The following VGLL3 variants were observed in gnomAD, a reference collection of about 807,000 sequenced individuals.
The protein encoded by VGLL3 is vestigial like family member 3, also known as transcription cofactor vestigial-like protein 3.
In VGLL3, 18 loss-of-function variants were observed where a neutral mutation model predicts 29.2. The observed-to-expected ratio is 0.62, with a 90% CI of 0.43 to 0.91. The LOEUF is 0.91. VGLL3 is among the 40% of genes least tolerant of loss of function. VGLL3 has a pLI of 0.00. For missense variants in VGLL3, 440 were observed against 413.2 expected (o/e 1.06, Z -0.56); for synonymous variants, 180 against 151.8 (o/e 1.19, Z -1.36).
At chr3:86,951,314 G>T (rs1012405353) in intron 3 of VGLL3, among the ~76,000 whole-genome samples, 10 of 152,070 alleles carry the variant, frequency 6.6e-5, no homozygotes, top group Non-Finnish European at 1.5e-4. Context: ...AGTTCTGAAG[G>T]CTGGGAAATC....
rs1705568753 is a variant in VGLL3, at chr3:86,990,768, C to A, written c.-25G>T. 1.6e-6 allele frequency: 2 copies of A among 1,250,166 alleles called. No homozygotes were observed. The highest frequency in any genetic ancestry group is 1.0e-6 in the Non-Finnish European group (1 of 993,158). 77.4% of individuals were successfully genotyped at this position (1,250,166 alleles called of 1,614,324 possible). A position where few individuals can be genotyped will look rare whatever the true frequency, so the allele number is the denominator to read the frequency against. On this transcript the variant is annotated 5_prime_UTR_variant, in exon 1 of 4. Coordinates refer to ENST00000398399, the MANE Select transcript of VGLL3 (RefSeq NM_016206.4). ...TGGCAGCCGGGGCAGTGGCGGCCCC[C>A]GAGCTGCCGCCGCCGCTCTACGCGC...
chr3:86,967,155 G>A (rs1294872243), intron 3 of VGLL3, among the ~76,000 whole-genome samples: 2 of 152,030 alleles, frequency 1.3e-5, no homozygotes, highest in Admixed American at 1.3e-4. Flanking sequence ...CCCTTTGCCT[G>A]CTAAGAGCAT....
chr3:86,955,226 A>C (rs1167058352), intron 3 of VGLL3, among the ~76,000 whole-genome samples: 2 of 152,188 alleles, frequency 1.3e-5, no homozygotes, highest in Non-Finnish European at 2.9e-5. Flanking sequence ...GAAACTGCTG[A>C]AATATACTTG....
At chr3:86,984,839 C>T (rs1705403133) in intron 1 of VGLL3, among the ~76,000 whole-genome samples, 1 of 152,064 alleles carries the variant, frequency 6.6e-6, no homozygotes, top group Non-Finnish European at 1.5e-5. Context: ...AAGAGAGCCT[C>T]ATGGTTTATT....
rs1047326788 is a variant in VGLL3 at position 86,946,832 on chromosome 3, A to G, written c.*192T>C. The G allele has an allele frequency of 1.9e-6, 1 of 516,846 alleles. No individual in the cohort carries two copies. The highest frequency in any genetic ancestry group is 3.5e-6 in the Non-Finnish European group (1 of 289,318). 32.0% of individuals were successfully genotyped at this position (516,846 alleles called of 1,614,324 possible). On this transcript the variant is annotated 3_prime_UTR_variant, in exon 4 of 4. Transcript: ENST00000398399. Reference sequence around the variant, plus strand: ...TCAGATGAGGAAATAAACAAATAAAAATGCTTTTCTTCAATGTCTGGGACC... The same window carrying G: ...TCAGATGAGGAAATAAACAAATAAAGATGCTTTTCTTCAATGTCTGGGACC...
chr3:86,976,053 G>T (rs1377445813), intron 2 of VGLL3, among the ~76,000 whole-genome samples: 1 of 152,106 alleles, frequency 6.6e-6, no homozygotes, highest in Non-Finnish European at 1.5e-5. Context: ...GGCGGAGGTT[G>T]CAGTGAGCCG....
chr3:86,968,664 G>A lies in VGLL3; in HGVS notation c.863C>T (p.Thr288Ile), dbSNP rs1470338079. 1 of 1,614,192 alleles carries A rather than the reference G, an allele frequency of 6.2e-7. No homozygotes were observed. Among genetic ancestry groups the A allele is most frequent in the East Asian group, 2.2e-5 (1 of 44,874 alleles). ...DITKTEPTTV[T>I]SATSAWAGAF... ...TCCAGCCCATGCTGAGGTAGCAGAG[G>A]TGACTGTAGTTGGTTCTGTCTTTGT... Residue 288 changes from threonine (T) to isoleucine (I), a missense_variant, in exon 3 of 4, where the codon ACC (threonine) becomes ATC (isoleucine). Coordinates refer to ENST00000398399, the MANE Select transcript of VGLL3 (RefSeq NM_016206.4).
chr3:86,985,309 G>A (rs978987195), intron 1 of VGLL3, among the ~76,000 whole-genome samples: 2 of 152,142 alleles, frequency 1.3e-5, no homozygotes, highest in Non-Finnish European at 2.9e-5. Flanking sequence ...ATGGCACTTC[G>A]TTTATCTGTC....
chr3:86,941,627 A>C lies in VGLL3; in HGVS notation c.*5397T>G, dbSNP rs1016422816. On this transcript the variant is annotated 3_prime_UTR_variant, in exon 4 of 4. Transcript: ENST00000398399. ...TTAAATTGACTAGAACTTCAAGAGA[A>C]TACTACTTTGACCAATACTTTAAAA... The C allele has an allele frequency of 6.6e-6, 1 of 152,098 alleles. No homozygotes were observed. The highest frequency in any genetic ancestry group is 2.4e-5 in the African/African-American group (1 of 41,440). 9.4% of individuals were successfully genotyped at this position (152,098 alleles called of 1,614,324 possible).
rs1253075649 is a variant in VGLL3, at chr3:86,942,786, G to A, written c.*4238C>T. On this transcript the variant is annotated 3_prime_UTR_variant, in exon 4 of 4. Transcript: ENST00000398399. Reference sequence around the variant, plus strand: ...GTACATTTATCTCCTATACCAGGTAGAAGGAACAGTTAGTAGGAGAAAAAG... The same window carrying A: ...GTACATTTATCTCCTATACCAGGTAAAAGGAACAGTTAGTAGGAGAAAAAG... The A allele has an allele frequency of 6.6e-6, 1 of 152,192 alleles. No individual in the cohort carries two copies. Among genetic ancestry groups the A allele is most frequent in the Non-Finnish European group, 1.5e-5 (1 of 68,024 alleles). 9.4% of individuals were successfully genotyped at this position (152,192 alleles called of 1,614,324 possible). A position where few individuals can be genotyped will look rare whatever the true frequency, so the allele number is the denominator to read the frequency against.
intron 3 of VGLL3, among the ~76,000 whole-genome samples, chr3:86,965,501 C>A (rs1475713464): frequency 6.6e-6 from 1 of 152,172 alleles, no homozygotes; most frequent in African/African-American, 2.4e-5. Context: ...AACTTCTGTT[C>A]ATTTAAAAGG....
rs573570541 is a variant in VGLL3, at chr3:86,947,084, T to C, written c.938-17A>G. 13 of 779,938 alleles carry C rather than the reference T, an allele frequency of 1.7e-5. No individual in the cohort carries two copies. Among genetic ancestry groups the C allele is most frequent in the Non-Finnish European group, 2.9e-5 (12 of 417,612 alleles). 48.3% of individuals were successfully genotyped at this position (779,938 alleles called of 1,614,324 possible). ...GCTGTAGACCTGGAACAAATGACAA[T>C]GGGGAAAAAATAAAGAACATTAATA... On this transcript the variant is annotated splice_polypyrimidine_tract_variant and intron_variant, in intron 3 of 3. Transcript: ENST00000398399.
intron 1 of VGLL3, among the ~76,000 whole-genome samples, chr3:86,989,205 T>C (rs948179916): frequency 7.2e-5 from 11 of 152,254 alleles, no homozygotes; most frequent in Non-Finnish European, 1.6e-4. Flanking sequence ...GGAAAGTATC[T>C]TTCTGAACAT....
intron 1 of VGLL3, among the ~76,000 whole-genome samples, chr3:86,979,139 C>G (rs1465602842): frequency 1.3e-5 from 2 of 152,092 alleles, no homozygotes; most frequent in Admixed American, 6.6e-5. Flanking sequence ...AGGAGAATTA[C>G]TTTTTTAAAA....
chr3:86,970,177 T>C (rs1381476671), intron 2 of VGLL3, among the ~76,000 whole-genome samples: 1 of 152,130 alleles, frequency 6.6e-6, no homozygotes, highest in East Asian at 1.9e-4. Flanking sequence ...TAACTCTTCA[T>C]CAGTTCAATT....
intron 1 of VGLL3, among the ~76,000 whole-genome samples, chr3:86,988,149 T>C (rs1436638): frequency 0.71 from 107,805 of 152,016 alleles, 38,467 homozygotes; most frequent in South Asian, 0.74. Flanking sequence ...AGAAGTAATA[T>C]AAAACTTTAA....
chr3:86,938,232 ACAAT>A lies in VGLL3; in HGVS notation c.*8788_*8791del, dbSNP rs1471090287. 6.6e-6 allele frequency: 1 copy of A among 152,250 alleles called. No individual in the cohort carries two copies. The highest frequency in any genetic ancestry group is 6.5e-5 in the Admixed American group (1 of 15,280). 9.4% of individuals were successfully genotyped at this position (152,250 alleles called of 1,614,324 possible). The stretch of plus-strand genomic sequence containing the variant: ...AGGTAAACATTGTGTAATCATTATC[ACAAT>A]CAAATTAATTAATACAACCATAACT... On this transcript the variant is annotated 3_prime_UTR_variant, in exon 4 of 4. Coordinates refer to ENST00000398399, the MANE Select transcript of VGLL3 (RefSeq NM_016206.4).
At chr3:86,978,994 A>T (rs1243175017) in intron 1 of VGLL3, among the ~76,000 whole-genome samples, 192 bp from the exon 2 acceptor site, 1 of 152,208 alleles carries the variant, frequency 6.6e-6, no homozygotes, top group Non-Finnish European at 1.5e-5. Context: ...AAAAAAATAC[A>T]ACAAAAACTC....
In VGLL3 at chr3:86,945,506, G is replaced by T. The variant is rs1282428096; in HGVS notation, c.*1518C>A. On this transcript the variant is annotated 3_prime_UTR_variant, in exon 4 of 4. Coordinates refer to ENST00000398399, the MANE Select transcript of VGLL3 (RefSeq NM_016206.4). The stretch of plus-strand genomic sequence containing the variant: ...CTAACTTTTTTACATGACATCTCTG[G>T]AAGCAGTTAATGGAAGAAATGAACT... 6.6e-6 allele frequency: 1 copy of T among 152,084 alleles called. No individual in the cohort carries two copies. Among genetic ancestry groups the T allele is most frequent in the East Asian group, 1.9e-4 (1 of 5,196 alleles). 9.4% of individuals were successfully genotyped at this position (152,084 alleles called of 1,614,324 possible).
Sources: gnomAD v4.1 joint callset for allele counts (sites outside exome capture counted in the v4.1 genomes callset) on GRCh38, gnomAD v4.1.1 for gene constraint, MANE v1.5 for transcripts, NCBI Gene and HGNC (gene_info 2026-07-23, HGNC 2026-07-21) for gene names.